Variants in CAP2 observed in about 807,000 individuals in gnomAD.
CAP2 encodes the protein adenylyl cyclase-associated protein 2.
In CAP2, 24 loss-of-function variants were observed where a neutral mutation model predicts 57.7. That is an observed-to-expected ratio of 0.42 (90% confidence interval 0.30 to 0.58). The LOEUF is 0.58. Ranked by LOEUF, CAP2 falls within the 20% of genes least tolerant of loss-of-function variation. The pLI is 0.22. For synonymous variants in CAP2, 194 were observed against 207.2 expected (o/e 0.94, Z 0.55); for missense variants, 501 against 590.3 (o/e 0.85, Z 1.57).
At chr6:17,394,556 CA>C (rs1758623081) in intron 1 of CAP2, among the ~76,000 whole-genome samples, 1 of 152,120 alleles carries the variant, frequency 6.6e-6, no homozygotes, top group Non-Finnish European at 1.5e-5. Context: ...GGACTAGGTC[CA>C]AACAGCCAGA....
chr6:17,458,625 A>G (rs1452300095), intron 3 of CAP2, among the ~76,000 whole-genome samples: 1 of 152,182 alleles, frequency 6.6e-6, no homozygotes, highest in Admixed American at 6.5e-5. Context: ...AAATTATCTG[A>G]TATTGACACG....
intron 4 of CAP2, among the ~76,000 whole-genome samples, chr6:17,488,025 A>G (rs1307809156): frequency 6.6e-6 from 1 of 152,100 alleles, no homozygotes; most frequent in East Asian, 1.9e-4. Flanking sequence ...CCTGGGCTCA[A>G]GTGATCCTCC....
chr6:17,400,037 G>T (rs975349156), intron 1 of CAP2, among the ~76,000 whole-genome samples: 2 of 151,402 alleles, frequency 1.3e-5, no homozygotes, highest in Non-Finnish European at 2.9e-5. Context: ...TGGCTAACAC[G>T]GTGAAACCCC....
At chr6:17,406,864 A>G (rs1415335173) in intron 1 of CAP2, among the ~76,000 whole-genome samples, 1 of 152,018 alleles carries the variant, frequency 6.6e-6, no homozygotes, top group Non-Finnish European at 1.5e-5. Context: ...TCCTCTGGCC[A>G]AAAAGAGGAG....
intron 3 of CAP2, among the ~76,000 whole-genome samples, chr6:17,445,641 G>A (rs1347531122): frequency 2.0e-5 from 3 of 152,106 alleles, no homozygotes; most frequent in South Asian, 2.1e-4. Flanking sequence ...GTCTTTGACC[G>A]TATTTATATC....
At chr6:17,482,423 C>T (rs981111536) in intron 4 of CAP2, among the ~76,000 whole-genome samples, 3 of 145,274 alleles carry the variant, frequency 2.1e-5, no homozygotes, top group East Asian at 4.2e-4. Flanking sequence ...GCAGGAGAAT[C>T]GCTTGAACCT....
rs550905744 is a variant in CAP2, at chr6:17,467,600, G to A, written c.300+4527G>A. Among the ~76,000 whole-genome samples, 4 of 152,068 alleles carry A rather than the reference G, an allele frequency of 2.6e-5. No homozygotes were observed. In the East Asian group the frequency reaches 7.8e-4, roughly 30 times the overall value. On this transcript the variant is annotated intron_variant, in intron 4 of 12. Coordinates refer to ENST00000229922, the MANE Select transcript of CAP2 (RefSeq NM_006366.3). ...GTGCAGTGGCGCTACCTTGGCTCAC[G>A]GCAACTTCAGCCTCCTAGCTTCAAG... is the stretch of plus-strand genomic sequence containing the variant.
intron 4 of CAP2, among the ~76,000 whole-genome samples, chr6:17,463,324 G>A (rs1339623632): frequency 6.7e-6 from 1 of 150,310 alleles, no homozygotes; most frequent in Non-Finnish European, 1.5e-5. Context: ...AAAAAGCAAT[G>A]TGTCTTCTTA....
At chr6:17,457,717 A>G (rs1760611859) in intron 3 of CAP2, among the ~76,000 whole-genome samples, 1 of 152,198 alleles carries the variant, frequency 6.6e-6, no homozygotes. Flanking sequence ...CACCATTTGG[A>G]GGAAGAGACT....
At chr6:17,393,878 T>C in intron 1 of CAP2, 132 bp downstream of exon 1, 1 of 147,362 alleles carries the variant, frequency 6.8e-6, no homozygotes, top group Non-Finnish European at 1.5e-5. Flanking sequence ...ACGCTGCGGC[T>C]GTGGCAGCAG....
At chr6:17,508,210 C>T (rs1044004769) in intron 6 of CAP2, among the ~76,000 whole-genome samples, 2 of 152,100 alleles carry the variant, frequency 1.3e-5, no homozygotes, top group Non-Finnish European at 2.9e-5. Flanking sequence ...CTGGGGTGTA[C>T]GCAGAGACAC....
intron 4 of CAP2, among the ~76,000 whole-genome samples, chr6:17,476,864 C>CTTTT (rs67003718): frequency 2.9e-3 from 210 of 72,412 alleles, no homozygotes; most frequent in Non-Finnish European, 3.2e-3. Flanking sequence ...TTTCTTACTT[C>CTTTT]TTTTTTTTTT....
intron 1 of CAP2, among the ~76,000 whole-genome samples, chr6:17,415,186 G>A (rs115450738): frequency 8.8e-4 from 134 of 152,320 alleles, no homozygotes; most frequent in African/African-American, 3.1e-3. Flanking sequence ...CTAGTGAGGA[G>A]AACTTTCAGC....
At chr6:17,472,755 G>A (rs1049938208) in intron 4 of CAP2, among the ~76,000 whole-genome samples, 4 of 152,192 alleles carry the variant, frequency 2.6e-5, no homozygotes, top group Non-Finnish European at 5.9e-5. Flanking sequence ...TATCATCAGG[G>A]TTTGCTTGAG....
intron 2 of CAP2, among the ~76,000 whole-genome samples, chr6:17,423,020 T>C (rs1759487071): frequency 6.6e-6 from 1 of 152,176 alleles, no homozygotes; most frequent in Non-Finnish European, 1.5e-5. Flanking sequence ...AACCAGGCAA[T>C]CTGCATTTAA....
At chr6:17,433,842 T>C (rs1759805569) in intron 3 of CAP2, among the ~76,000 whole-genome samples, 1 of 152,216 alleles carries the variant, frequency 6.6e-6, no homozygotes. Context: ...GACATCCCTG[T>C]GACTCCTTTT....
intron 3 of CAP2, among the ~76,000 whole-genome samples, chr6:17,451,127 G>T (rs1380015753): frequency 2.0e-5 from 3 of 151,824 alleles, no homozygotes; most frequent in Non-Finnish European, 2.9e-5. Context: ...TAAATCTCTT[G>T]TCTTGAGGAG....
intron 4 of CAP2, among the ~76,000 whole-genome samples, chr6:17,496,945 T>C (rs762858214): frequency 6.6e-6 from 1 of 152,204 alleles, no homozygotes; most frequent in African/African-American, 2.4e-5. Context: ...GCAAATTCAG[T>C]TGACTGGGCT....
intron 4 of CAP2, among the ~76,000 whole-genome samples, chr6:17,489,205 G>A (rs975175137): frequency 6.6e-6 from 1 of 152,138 alleles, no homozygotes. Flanking sequence ...AGGCTAAGGC[G>A]GGCACATCAC....
Sources: gnomAD v4.1 joint callset for allele counts (sites outside exome capture counted in the v4.1 genomes callset) on GRCh38, gnomAD v4.1.1 for gene constraint, MANE v1.5 for transcripts, NCBI Gene and HGNC (gene_info 2026-07-23, HGNC 2026-07-21) for gene names.